Variants in GALNT13 observed in about 807,000 individuals in gnomAD.
GALNT13 encodes the protein polypeptide N-acetylgalactosaminyltransferase 13.
In GALNT13, 28 loss-of-function variants were observed where a neutral mutation model predicts 64.2. The observed-to-expected ratio is 0.44, with a 90% CI of 0.32 to 0.60. The LOEUF (loss-of-function observed/expected upper bound fraction) is 0.60, where lower values mean the gene tolerates loss of function less well. Ranked by LOEUF, GALNT13 falls within the 20% of genes least tolerant of loss-of-function variation. The probability of loss-of-function intolerance (pLI) is 0.05; values close to 1 mark genes in which losing one functional copy is unlikely to be tolerated. For missense variants in GALNT13, 577 were observed against 669.8 expected, an observed-to-expected ratio of 0.86 and a Z score of 1.53; for synonymous variants, 214 against 224.6, an observed-to-expected ratio of 0.95 and a Z score of 0.42.
At chr2:153,998,766 G>A (rs1240679500) in intron 3 of GALNT13, among the ~76,000 whole-genome samples, 5 of 152,026 alleles carry the variant, frequency 3.3e-5, no homozygotes, top group Non-Finnish European at 7.4e-5. Context: ...GGTTTTTATG[G>A]TTTTAGGTCT....
the GALNT13 span, among the ~76,000 whole-genome samples, chr2:153,649,913 G>C: frequency 6.6e-6 from 1 of 152,058 alleles, no homozygotes; most frequent in Non-Finnish European, 1.5e-5. Context: ...AATAGGTGTG[G>C]TGTAGTGTTG....
chr2:153,543,630 A>C, the GALNT13 span, among the ~76,000 whole-genome samples: 1 of 152,172 alleles, frequency 6.6e-6, no homozygotes. Context: ...TTGGTTGAGC[A>C]GGAGTTAGGT....
chr2:153,323,599 C>T, the GALNT13 span, among the ~76,000 whole-genome samples: 1 of 152,126 alleles, frequency 6.6e-6, no homozygotes, highest in African/African-American at 2.4e-5. Flanking sequence ...CCTAGGTTTT[C>T]TTCTAGGGTT....
intron 3 of GALNT13, among the ~76,000 whole-genome samples, chr2:154,049,376 A>G (rs963457341): frequency 4.7e-5 from 7 of 148,452 alleles, no homozygotes; most frequent in Non-Finnish European, 1.0e-4. Flanking sequence ...TAAAGAATAT[A>G]TATCACTATA....
At chr2:154,342,475 CTTTTG>C (rs1222627097) in intron 9 of GALNT13, among the ~76,000 whole-genome samples, 3 of 151,876 alleles carry the variant, frequency 2.0e-5, no homozygotes, top group African/African-American at 4.8e-5. Context: ...CTGCTGTCTG[CTTTTG>C]TTTTGTTTTT....
the GALNT13 span, among the ~76,000 whole-genome samples, chr2:153,149,707 T>C: frequency 6.6e-6 from 1 of 151,562 alleles, no homozygotes; most frequent in Non-Finnish European, 1.5e-5. Flanking sequence ...TACCACAGCA[T>C]AGCCTACTGT....
At chr2:153,197,891 T>C in the GALNT13 span, among the ~76,000 whole-genome samples, 7 of 152,030 alleles carry the variant, frequency 4.6e-5, no homozygotes, top group Admixed American at 4.6e-4. Context: ...GAGGTTGCTG[T>C]CAGGGATAGC....
intron 3 of GALNT13, among the ~76,000 whole-genome samples, chr2:154,035,007 G>C (rs1698573723): frequency 6.6e-6 from 1 of 152,022 alleles, no homozygotes; most frequent in Non-Finnish European, 1.5e-5. Context: ...ATATGATGCT[G>C]TCTCAGAGAA....
At chr2:153,456,765 T>C in the GALNT13 span, among the ~76,000 whole-genome samples, 2 of 152,180 alleles carry the variant, frequency 1.3e-5, no homozygotes, top group Non-Finnish European at 2.9e-5. Flanking sequence ...CATGGTTAGA[T>C]AGTAAGTATC....
At chr2:153,254,894 C>T in the GALNT13 span, among the ~76,000 whole-genome samples, 376 of 151,904 alleles carry the variant, frequency 2.5e-3, 1 homozygote, top group Middle Eastern at 0.017. Flanking sequence ...TCCAAGTATG[C>T]GGTCAATTTT....
intron 3 of GALNT13, among the ~76,000 whole-genome samples, chr2:154,138,395 A>T (rs1184312701): frequency 6.6e-6 from 1 of 152,082 alleles, no homozygotes; most frequent in African/African-American, 2.4e-5. Flanking sequence ...ATTGTAAACA[A>T]CTGTAAACAG....
the GALNT13 span, among the ~76,000 whole-genome samples, chr2:153,849,351 T>A: frequency 6.6e-6 from 1 of 152,298 alleles, no homozygotes. Flanking sequence ...GAAATAAGAC[T>A]ATAATGTCTG....
rs145025659 is a variant in GALNT13 at position 153,944,598 on chromosome 2, G to A, written c.101G>A (p.Cys34Tyr). Residue 34 changes from cysteine to tyrosine, a missense_variant, in exon 3 of 13, where the codon TGT (cysteine) becomes TAT (tyrosine). Coordinates refer to ENST00000392825, the MANE Select transcript of GALNT13 (RefSeq NM_052917.4). ...CTGTACTTCAGTGAATGTAACAAAT[G>A]TGATGACAAGAAGGAGAGATCTCTG... ...LLLYFSECNK[C>Y]DDKKERSLLP... 2.0e-5 allele frequency: 33 copies of A among 1,613,554 alleles called. No individual in the cohort carries two copies. Among genetic ancestry groups the A allele is most frequent in the Non-Finnish European group, 2.8e-5 (33 of 1,179,628 alleles).
chr2:153,499,977 G>A, the GALNT13 span, among the ~76,000 whole-genome samples: 1 of 152,082 alleles, frequency 6.6e-6, no homozygotes, highest in African/African-American at 2.4e-5. Context: ...CCTGCTGCTT[G>A]TTCCCACCAG....
the GALNT13 span, among the ~76,000 whole-genome samples, chr2:153,512,049 A>G: frequency 6.6e-6 from 1 of 152,138 alleles, no homozygotes; most frequent in Non-Finnish European, 1.5e-5. Flanking sequence ...AGAGGGGCTG[A>G]GATATGATAG....
At chr2:153,345,292 A>C in the GALNT13 span, among the ~76,000 whole-genome samples, 1 of 152,206 alleles carries the variant, frequency 6.6e-6, no homozygotes, top group Admixed American at 6.5e-5. Flanking sequence ...CTTTAGTTGC[A>C]TGTTGAGTTT....
chr2:153,153,523 G>T, the GALNT13 span, among the ~76,000 whole-genome samples: 1 of 151,838 alleles, frequency 6.6e-6, no homozygotes, highest in Middle Eastern at 3.2e-3. Flanking sequence ...TATAGTTTTG[G>T]GTTTTACATT....
At chr2:154,021,518 A>T (rs540545010) in intron 3 of GALNT13, among the ~76,000 whole-genome samples, 1 of 152,164 alleles carries the variant, frequency 6.6e-6, no homozygotes, top group African/African-American at 2.4e-5. Context: ...TTATTGGTGT[A>T]TAAGAATGCT....
intron 9 of GALNT13, among the ~76,000 whole-genome samples, chr2:154,332,056 G>A (rs1695194965): frequency 6.6e-6 from 1 of 152,066 alleles, no homozygotes; most frequent in South Asian, 2.1e-4. Flanking sequence ...AACATTTGAA[G>A]CTATTAGCTC....
Sources: gnomAD v4.1 joint callset for allele counts (sites outside exome capture counted in the v4.1 genomes callset) on GRCh38, gnomAD v4.1.1 for gene constraint, MANE v1.5 for transcripts, NCBI Gene and HGNC (gene_info 2026-07-23, HGNC 2026-07-21) for gene names.